IQCM: variants seen among roughly 807,000 people sequenced by gnomAD.
IQCM encodes the protein IQ motif containing M.
IQCM carries 45 observed loss-of-function variants against 57.6 expected under a neutral mutation model. The ratio of observed to expected loss-of-function variants is 0.78; its 90% CI spans 0.62 to 1.00. The LOEUF (loss-of-function observed/expected upper bound fraction) is 1.00. IQCM is among the 50% of genes least tolerant of loss of function. IQCM has a pLI of 0.00. For missense variants in IQCM, 468 were observed against 511.6 expected (o/e 0.91, Z 0.82); for synonymous variants, 148 against 158.9 (o/e 0.93, Z 0.51).
intron 5 of IQCM, among the ~76,000 whole-genome samples, chr4:149,717,935 C>T (rs911922405): frequency 1.3e-5 from 2 of 152,188 alleles, no homozygotes; most frequent in South Asian, 2.1e-4. Flanking sequence ...GGCAAATCCC[C>T]GGTGCCTACA....
At chr4:149,450,328 T>G (rs533979903) in intron 12 of IQCM, among the ~76,000 whole-genome samples, 2 of 151,590 alleles carry the variant, frequency 1.3e-5, no homozygotes, top group Admixed American at 6.6e-5. Context: ...TAATACCCCA[T>G]AAGAACAGGC....
chr4:149,463,064 C>G (rs1249678453), intron 12 of IQCM, among the ~76,000 whole-genome samples: 1 of 152,088 alleles, frequency 6.6e-6, no homozygotes, highest in Admixed American at 6.5e-5. Context: ...GCATGATTCC[C>G]AATATTTAGG....
At chr4:149,644,686 G>C (rs768208790) in intron 7 of IQCM, among the ~76,000 whole-genome samples, 13 of 152,144 alleles carry the variant, frequency 8.5e-5, no homozygotes, top group South Asian at 2.1e-4. Context: ...GTTCTCTAGG[G>C]CTGTGTTAGT....
At chr4:149,376,937 T>A (rs562116989) in intron 13 of IQCM, among the ~76,000 whole-genome samples, 76 of 152,076 alleles carry the variant, frequency 5.0e-4, no homozygotes, top group Non-Finnish European at 7.2e-4. Context: ...GTAAAAAATA[T>A]CTACAATTTA....
At chr4:149,718,321 G>A (rs947856646) in intron 5 of IQCM, among the ~76,000 whole-genome samples, 4 of 152,124 alleles carry the variant, frequency 2.6e-5, no homozygotes, top group African/African-American at 7.2e-5. Context: ...CCTGAAATAT[G>A]TATTTTTTTA....
Position 149,721,049 on chromosome 4 carries a change from T to C in IQCM, c.385+12195A>G, listed in dbSNP as rs192394347. Among the ~76,000 whole-genome samples, 392 of 152,308 alleles carry C rather than the reference T, an allele frequency of 2.6e-3. 3 individuals carry two copies. Among genetic ancestry groups the C allele is most frequent in the African/African-American group, 6.7e-3 (278 of 41,564 alleles). ...TTAGCATGTTTGCTGCATGTTTGTA[T>C]GTATAATCGGTCATCTGTTTCTGTA... On this transcript the variant is annotated intron_variant, in intron 5 of 13. Coordinates refer to ENST00000636793, the MANE Select transcript of IQCM (RefSeq NM_001363507.2).
intron 12 of IQCM, among the ~76,000 whole-genome samples, chr4:149,539,720 C>G (rs1405830037): frequency 1.3e-5 from 2 of 151,978 alleles, no homozygotes; most frequent in Non-Finnish European, 2.9e-5. Flanking sequence ...AAAAATCTAG[C>G]TGGGCATTAT....
At chr4:149,695,836 T>G (rs745314889) in intron 5 of IQCM, among the ~76,000 whole-genome samples, 1 of 152,154 alleles carries the variant, frequency 6.6e-6, no homozygotes. Flanking sequence ...GAGTTCGCCA[T>G]GAAGACCTTT....
chr4:149,499,134 T>C (rs1742978123), intron 12 of IQCM, among the ~76,000 whole-genome samples: 1 of 152,168 alleles, frequency 6.6e-6, no homozygotes, highest in African/African-American at 2.4e-5. Flanking sequence ...AGAGAAAGCA[T>C]ATATTCAATT....
chr4:149,457,767 G>A (rs943289575), intron 12 of IQCM, among the ~76,000 whole-genome samples: 5 of 151,946 alleles, frequency 3.3e-5, no homozygotes, highest in East Asian at 1.9e-4. Context: ...GAATTCTACT[G>A]TTTTCTGTAA....
At chr4:149,680,649 T>A (rs1429795651) in intron 7 of IQCM, among the ~76,000 whole-genome samples, 2 of 151,420 alleles carry the variant, frequency 1.3e-5, no homozygotes, top group Non-Finnish European at 3.0e-5. Context: ...TTTTAGCTTC[T>A]ATGAAGTTAT....
chr4:149,357,034 TG>T (rs1324311103), intron 13 of IQCM, among the ~76,000 whole-genome samples: 3 of 152,322 alleles, frequency 2.0e-5, no homozygotes, highest in Non-Finnish European at 4.4e-5. Context: ...ACTCATGATT[TG>T]GCTCTCTGTT....
chr4:149,587,881 C>T, intron 9 of IQCM, 49 bp downstream of exon 9: 2 of 885,978 alleles, frequency 2.3e-6, no homozygotes, highest in Non-Finnish European at 3.0e-6. Flanking sequence ...TTGATAACAA[C>T]AAAAATGAGT....
chr4:149,370,528 C>A (rs1258941079), intron 13 of IQCM, among the ~76,000 whole-genome samples: 1 of 151,706 alleles, frequency 6.6e-6, no homozygotes, highest in Non-Finnish European at 1.5e-5. Context: ...TATATACACA[C>A]ACACATACAC....
At chr4:149,502,781 C>T (rs760922422) in intron 12 of IQCM, among the ~76,000 whole-genome samples, 6 of 151,970 alleles carry the variant, frequency 3.9e-5, no homozygotes, top group Non-Finnish European at 8.8e-5. Context: ...GAGCAATGAA[C>T]GGTCAAATCA....
intron 8 of IQCM, among the ~76,000 whole-genome samples, 178 bp from the exon 9 acceptor site, chr4:149,588,175 C>G (rs910394061): frequency 6.6e-6 from 1 of 151,586 alleles, no homozygotes; most frequent in Non-Finnish European, 1.5e-5. Flanking sequence ...ACTGTTGAAC[C>G]TCCTTCAGAA....
chr4:149,768,186 G>A (rs1365596467), intron 2 of IQCM, among the ~76,000 whole-genome samples: 4 of 152,064 alleles, frequency 2.6e-5, no homozygotes, highest in South Asian at 4.1e-4. Context: ...AACATGAAGC[G>A]ATGGTTAGAT....
chr4:149,424,614 A>T (rs1199994060), intron 13 of IQCM, among the ~76,000 whole-genome samples: 1 of 151,866 alleles, frequency 6.6e-6, no homozygotes, highest in Non-Finnish European at 1.5e-5. Context: ...TAACTATATG[A>T]GTATATTATA....
At chr4:149,619,879 G>A (rs1024631032) in intron 8 of IQCM, among the ~76,000 whole-genome samples, 3 of 152,130 alleles carry the variant, frequency 2.0e-5, no homozygotes, top group South Asian at 2.1e-4. Flanking sequence ...CAACATGGCC[G>A]GGCATGGTGG....
Sources: allele counts gnomAD v4.1 joint callset (sites outside exome capture counted in the v4.1 genomes callset), GRCh38; gene constraint gnomAD v4.1.1; transcripts MANE v1.5; gene names NCBI Gene and HGNC (gene_info 2026-07-23, HGNC 2026-07-21).